The following GUCY2F variants were observed in gnomAD, a reference collection of about 807,000 sequenced individuals.
GUCY2F encodes retinal guanylyl cyclase 2.
A neutral mutation model predicts 73.1 loss-of-function variants in GUCY2F; 61 were observed. That is an observed-to-expected ratio of 0.83 (90% confidence interval 0.68 to 1.03). GUCY2F has a LOEUF of 1.03. Ranked by LOEUF, GUCY2F falls within the 50% of genes least tolerant of loss-of-function variation. The pLI, the probability that GUCY2F is intolerant of heterozygous loss-of-function variation, is 0.00. For synonymous variants in GUCY2F, 331 were observed against 307.8 expected (o/e 1.08, Z -0.79); for missense variants, 912 against 854.3 (o/e 1.07, Z -0.84).
chrX:109,445,725 GC>G (rs1931988525), intron 6 of GUCY2F, among the ~76,000 whole-genome samples: 1 of 111,603 alleles, frequency 9.0e-6, no homozygotes, highest in Non-Finnish European at 1.9e-5. Context: ...AGACAGGGAT[GC>G]CCTCTCTCAC....
intron 1 of GUCY2F, among the ~76,000 whole-genome samples, chrX:109,479,655 T>C (rs916548101): frequency 6.3e-5 from 7 of 111,711 alleles, no homozygotes; most frequent in Non-Finnish European, 7.5e-5. Flanking sequence ...CTCACTGGAG[T>C]TGGATTCCCC....
At chrX:109,474,855 C>T (rs927318125) in intron 2 of GUCY2F, among the ~76,000 whole-genome samples, 3 of 111,686 alleles carry the variant, frequency 2.7e-5, no homozygotes, top group Non-Finnish European at 5.6e-5. Flanking sequence ...AGAAGACCCG[C>T]GCCTCCCCAT....
intron 19 of GUCY2F, among the ~76,000 whole-genome samples, chrX:109,375,262 A>G (rs1354547871): frequency 1.8e-5 from 2 of 111,298 alleles, no homozygotes; most frequent in Non-Finnish European, 3.8e-5. Context: ...AAATACCGAT[A>G]AATATGTGGA....
intron 6 of GUCY2F, among the ~76,000 whole-genome samples, chrX:109,443,680 A>G (rs1931927935): frequency 8.9e-6 from 1 of 112,108 alleles, no homozygotes; most frequent in African/African-American, 3.2e-5. Flanking sequence ...GCCTATACAA[A>G]TAAAAGCCTC....
intron 10 of GUCY2F, among the ~76,000 whole-genome samples, chrX:109,402,071 G>C (rs929993774): frequency 9.0e-6 from 1 of 111,629 alleles, no homozygotes; most frequent in Non-Finnish European, 1.9e-5. Context: ...GAAGCCATTC[G>C]ATAGATTTAG....
chrX:109,382,076 G>A (rs752739294), intron 17 of GUCY2F, 42 bp downstream of exon 17: 9 of 717,883 alleles, frequency 1.3e-5, no homozygotes, highest in Non-Finnish European at 8.9e-6. Context: ...AGAAGCAGGT[G>A]TATCCAAGTA....
rs923818163 is a variant in GUCY2F, at chrX:109,424,899, T to C, written c.1791+5408A>G. Among the ~76,000 whole-genome samples the C allele has an allele frequency of 9.9e-5, 11 of 110,672 alleles. No individual in the cohort carries two copies. The Admixed American group carries it at 1.1e-3, about 11-fold the overall frequency. On this transcript the variant is annotated intron_variant, in intron 8 of 19. Coordinates refer to ENST00000218006, the MANE Select transcript of GUCY2F (RefSeq NM_001522.3). ...CTCCTGCCTCAGCCTCCAGAGTAGC[T>C]GGGATTACAGATGCCCACCACCACA...
intron 8 of GUCY2F, among the ~76,000 whole-genome samples, chrX:109,413,743 T>C (rs1485231837): frequency 8.1e-5 from 9 of 111,089 alleles, no homozygotes; most frequent in African/African-American, 3.0e-4. Flanking sequence ...CTAAGTTATC[T>C]GAAGGACTCC....
chrX:109,399,630 A>G (rs575705700), intron 10 of GUCY2F, among the ~76,000 whole-genome samples: 1 of 111,360 alleles, frequency 9.0e-6, no homozygotes, highest in South Asian at 3.8e-4. Flanking sequence ...ATATAAAGTT[A>G]CCATTTCTGT....
intron 15 of GUCY2F, among the ~76,000 whole-genome samples, chrX:109,386,012 C>A (rs778583018): frequency 9.0e-6 from 1 of 110,817 alleles, no homozygotes; most frequent in African/African-American, 3.3e-5. Context: ...ATATTTCCCA[C>A]GCTGGTATCG....
intron 3 of GUCY2F, among the ~76,000 whole-genome samples, chrX:109,455,540 C>T (rs777999255): frequency 9.0e-6 from 1 of 111,511 alleles, no homozygotes; most frequent in African/African-American, 3.3e-5. Context: ...CCCTGTGGTC[C>T]CTTCTGGCTC....
intron 10 of GUCY2F, among the ~76,000 whole-genome samples, chrX:109,402,162 T>C (rs1040184947): frequency 2.7e-5 from 3 of 111,253 alleles, no homozygotes; most frequent in African/African-American, 9.8e-5. Flanking sequence ...TGACCATCCA[T>C]ACTGCCACTG....
Position 109,393,075 on chromosome X carries a change from G to A in GUCY2F, c.2425-20C>T. On this transcript the variant is annotated intron_variant, in intron 12 of 19. Transcript: ENST00000218006. ...TTTAAACTGGAAGTAAAATAGAAAAGGGAACCAGAAAATGCTTACTCATCA... is the reference window on the plus strand; with the variant it reads ...TTTAAACTGGAAGTAAAATAGAAAAAGGAACCAGAAAATGCTTACTCATCA... The A allele has an allele frequency of 1.1e-6, 1 of 931,475 alleles. No homozygotes were observed. Among genetic ancestry groups the A allele is most frequent in the Non-Finnish European group, 1.5e-6 (1 of 647,909 alleles). 76.8% of individuals were successfully genotyped at this position (931,475 alleles called of 1,213,427 possible).
chrX:109,445,327 A>G (rs1931976091), intron 6 of GUCY2F, among the ~76,000 whole-genome samples: 1 of 112,213 alleles, frequency 8.9e-6, no homozygotes, highest in Admixed American at 9.4e-5. Flanking sequence ...TAACATTTTA[A>G]AAAATATATT....
chrX:109,393,605 A>G (rs1350126649), intron 12 of GUCY2F, among the ~76,000 whole-genome samples: 2 of 111,741 alleles, frequency 1.8e-5, no homozygotes, highest in African/African-American at 6.5e-5. Flanking sequence ...GTGGAGTCCA[A>G]GAATAGTGGT....
chrX:109,381,494 A>T (rs1930308310), intron 17 of GUCY2F, among the ~76,000 whole-genome samples: 1 of 112,199 alleles, frequency 8.9e-6, no homozygotes, highest in Admixed American at 9.4e-5. Context: ...ATTCAGAAAT[A>T]GATAAATAGA....
chrX:109,391,358 C>T (rs1031490867), intron 14 of GUCY2F, among the ~76,000 whole-genome samples: 3 of 111,204 alleles, frequency 2.7e-5, no homozygotes, highest in African/African-American at 9.8e-5. Flanking sequence ...GGCAGCTTTT[C>T]GGTTACCCTG....
In GUCY2F at chrX:109,479,345, A is replaced by G. The variant is rs1021502791; in HGVS notation, c.-86+2521T>C. ...ATACTAAGTGCACAGTTGTCTTTCA[A>G]TAAACACTGGTTCTTCCTCCCTATT... On this transcript the variant is annotated intron_variant, in intron 1 of 19. Coordinates refer to ENST00000218006, the MANE Select transcript of GUCY2F (RefSeq NM_001522.3). Among the ~76,000 whole-genome samples, 26 of 112,321 alleles carry G rather than the reference A, an allele frequency of 2.3e-4. 1 individual carries two copies. Among genetic ancestry groups the G allele is most frequent in the African/African-American group, 8.4e-4 (26 of 30,866 alleles).
chrX:109,399,570 A>G (rs183374214), intron 10 of GUCY2F, among the ~76,000 whole-genome samples: 25 of 111,736 alleles, frequency 2.2e-4, no homozygotes, highest in African/African-American at 7.5e-4. Flanking sequence ...TAATTTAACA[A>G]TAGAAATACA....
Sources: allele counts gnomAD v4.1 joint callset (sites outside exome capture counted in the v4.1 genomes callset), GRCh38; gene constraint gnomAD v4.1.1; transcripts MANE v1.5; gene names NCBI Gene and HGNC (gene_info 2026-07-23, HGNC 2026-07-21).